Variants in UBE2E2 observed in about 807,000 individuals in gnomAD.
UBE2E2 encodes ubiquitin-conjugating enzyme E2 E2.
A neutral mutation model predicts 24.7 loss-of-function variants in UBE2E2; 6 were observed. The observed-to-expected ratio is 0.24, with a 90% CI of 0.13 to 0.48. UBE2E2 has a LOEUF of 0.48. UBE2E2 is among the 20% of genes least tolerant of loss of function. The probability of loss-of-function intolerance (pLI) is 0.99; values close to 1 mark genes in which losing one functional copy is unlikely to be tolerated. For missense variants in UBE2E2, 169 were observed against 245.0 expected, an observed-to-expected ratio of 0.69 and a Z score of 2.07; for synonymous variants, 104 against 83.6, an observed-to-expected ratio of 1.24 and a Z score of -1.33.
At chr3:23,478,575 G>T (rs1699186414) in intron 3 of UBE2E2, among the ~76,000 whole-genome samples, 1 of 152,150 alleles carries the variant, frequency 6.6e-6, no homozygotes, top group South Asian at 2.1e-4. Flanking sequence ...ATTAAGAATA[G>T]AGCCTCCAAA....
intron 3 of UBE2E2, among the ~76,000 whole-genome samples, chr3:23,374,341 A>G (rs1575592509): frequency 6.6e-6 from 1 of 152,306 alleles, no homozygotes; most frequent in East Asian, 1.9e-4. Flanking sequence ...TACCTTTTTT[A>G]AAAGACAGAT....
chr3:23,220,326 G>T (rs772446309), intron 3 of UBE2E2, among the ~76,000 whole-genome samples: 4 of 152,086 alleles, frequency 2.6e-5, no homozygotes, highest in Non-Finnish European at 5.9e-5. Flanking sequence ...AAGTAAAAAT[G>T]CAGTAAGATA....
At chr3:23,558,040 A>G (rs527805080) in intron 5 of UBE2E2, among the ~76,000 whole-genome samples, 2 of 152,342 alleles carry the variant, frequency 1.3e-5, no homozygotes, top group African/African-American at 4.8e-5. Context: ...CTAGAGTGAT[A>G]TCCCTTGAAG....
chr3:23,588,299 G>A (rs892120302), intron 5 of UBE2E2, among the ~76,000 whole-genome samples: 7 of 151,922 alleles, frequency 4.6e-5, no homozygotes, highest in South Asian at 4.2e-4. Flanking sequence ...AATATAAATC[G>A]GGGAAAGAGT....
intron 3 of UBE2E2, among the ~76,000 whole-genome samples, chr3:23,345,277 CTG>C (rs1246449113): frequency 3.9e-5 from 6 of 152,152 alleles, no homozygotes; most frequent in South Asian, 4.1e-4. Context: ...TCCTTGAAGA[CTG>C]TGAGCTGTTC....
chr3:23,287,323 G>A (rs1005137182), intron 3 of UBE2E2, among the ~76,000 whole-genome samples: 4 of 152,108 alleles, frequency 2.6e-5, no homozygotes, highest in East Asian at 1.9e-4. Flanking sequence ...AATTTGGTTC[G>A]CTAGTATTTT....
chr3:23,299,809 G>T (rs1285654773), intron 3 of UBE2E2, among the ~76,000 whole-genome samples: 1 of 152,144 alleles, frequency 6.6e-6, no homozygotes, highest in Non-Finnish European at 1.5e-5. Flanking sequence ...TCCACTTGGT[G>T]CAGAGCTGAG....
At chr3:23,504,639 G>A (rs998444782) in intron 4 of UBE2E2, among the ~76,000 whole-genome samples, 5 of 152,176 alleles carry the variant, frequency 3.3e-5, no homozygotes, top group East Asian at 3.9e-4. Context: ...ATGAAAAGTC[G>A]TATCTTATGG....
intron 3 of UBE2E2, among the ~76,000 whole-genome samples, chr3:23,385,045 C>G (rs1159964919): frequency 1.3e-5 from 2 of 151,972 alleles, no homozygotes; most frequent in Non-Finnish European, 2.9e-5. Context: ...ATTCTCCTGC[C>G]TCAGCCTCCC....
intron 3 of UBE2E2, among the ~76,000 whole-genome samples, chr3:23,287,770 TCTC>T (rs1488908291): frequency 1.4e-5 from 2 of 139,166 alleles, no homozygotes; most frequent in Non-Finnish European, 3.3e-5. Context: ...GTAATGTCTC[TCTC>T]TTTTTTTTTT....
At chr3:23,255,300 C>A (rs940033059) in intron 3 of UBE2E2, among the ~76,000 whole-genome samples, 1 of 150,320 alleles carries the variant, frequency 6.7e-6, no homozygotes, top group Non-Finnish European at 1.5e-5. Flanking sequence ...TGCCATATTG[C>A]GCAGGCTGGT....
intron 3 of UBE2E2, among the ~76,000 whole-genome samples, chr3:23,426,023 G>C (rs1197600033): frequency 6.6e-6 from 1 of 152,074 alleles, no homozygotes; most frequent in Non-Finnish European, 1.5e-5. Flanking sequence ...AGAGCAGATG[G>C]GCAATGTAAG....
At chr3:23,492,885 G>A (rs894197769) in intron 3 of UBE2E2, among the ~76,000 whole-genome samples, 2 of 151,878 alleles carry the variant, frequency 1.3e-5, no homozygotes, top group African/African-American at 4.8e-5. Context: ...GAAGAAAAAA[G>A]AAATAGGTGA....
intron 3 of UBE2E2, among the ~76,000 whole-genome samples, chr3:23,272,515 G>A (rs1175684061): frequency 1.3e-5 from 2 of 152,336 alleles, no homozygotes; most frequent in Admixed American, 1.3e-4. Flanking sequence ...AGGCCGAGGA[G>A]GCGCTGAGAG....
intron 4 of UBE2E2, among the ~76,000 whole-genome samples, chr3:23,523,623 C>A (rs138021630): frequency 2.0e-4 from 9 of 44,726 alleles, no homozygotes; most frequent in South Asian, 9.1e-4. Context: ...GGGTGGGGGG[C>A]TGGGGGAAGG....
intron 3 of UBE2E2, among the ~76,000 whole-genome samples, chr3:23,446,137 C>T (rs1244286843): frequency 6.6e-6 from 1 of 152,178 alleles, no homozygotes; most frequent in East Asian, 1.9e-4. Flanking sequence ...TGGCATCCTT[C>T]GGGGTCTCTG....
intron 3 of UBE2E2, among the ~76,000 whole-genome samples, chr3:23,435,073 G>A (rs1698151586): frequency 6.6e-6 from 1 of 152,168 alleles, no homozygotes; most frequent in African/African-American, 2.4e-5. Flanking sequence ...CTGAAATTAA[G>A]TGATGTCTAG....
intron 3 of UBE2E2, among the ~76,000 whole-genome samples, chr3:23,318,641 AC>A (rs1195996895): frequency 6.6e-6 from 1 of 152,044 alleles, no homozygotes; most frequent in Non-Finnish European, 1.5e-5. Flanking sequence ...GAAAGGGGAA[AC>A]CCCTTATAAA....
rs148144969 is a variant in UBE2E2, at chr3:23,570,320, C to T, written c.509-19414C>T. 1.5e-3 allele frequency among the ~76,000 whole-genome samples: 235 copies of T among 152,270 alleles called. 5 individuals carry two copies. The highest frequency in any genetic ancestry group is 0.015 in the East Asian group (79 of 5,190). On this transcript the variant is annotated intron_variant, in intron 5 of 5. Coordinates refer to ENST00000396703, the MANE Select transcript of UBE2E2 (RefSeq NM_152653.4). ...TAACAGGTGTCAAAATGCTTCTTCA[C>T]ATTGGGTAACTGGGAGAGTTCACTG...
Sources: gnomAD v4.1 joint callset for allele counts (sites outside exome capture counted in the v4.1 genomes callset) on GRCh38, gnomAD v4.1.1 for gene constraint, MANE v1.5 for transcripts, NCBI Gene and HGNC (gene_info 2026-07-23, HGNC 2026-07-21) for gene names.